Variants in STK33 observed in about 807,000 individuals in gnomAD.
The protein encoded by STK33 is serine/threonine-protein kinase 33.
STK33 carries 52 observed loss-of-function variants against 58.0 expected under a neutral mutation model. The ratio of observed to expected loss-of-function variants is 0.90; its 90% confidence interval spans 0.72 to 1.13. STK33 has a LOEUF of 1.13. Among genes scored for constraint, STK33 ranks in the 50% most tolerant of loss-of-function variants. STK33 has a pLI of 0.00. For synonymous variants in STK33, 215 were observed against 200.1 expected (o/e 1.07, Z -0.63); for missense variants, 630 against 604.2 (o/e 1.04, Z -0.45).
At chr11:8,581,298 T>C (rs999030408) in intron 1 of STK33, among the ~76,000 whole-genome samples, 4 of 152,118 alleles carry the variant, frequency 2.6e-5, no homozygotes, top group African/African-American at 9.7e-5. Flanking sequence ...AAATGTATAT[T>C]TCTGCATATG....
intron 4 of STK33, chr11:8,475,675 T>C (rs1400837093): frequency 1.3e-5 from 2 of 152,172 alleles, no homozygotes; most frequent in Non-Finnish European, 2.9e-5. Context: ...GAGTCTAAAA[T>C]AGGTATGGCA....
chr11:8,392,988 T>C (rs1281947065), intron 15 of STK33, among the ~76,000 whole-genome samples: 3 of 152,246 alleles, frequency 2.0e-5, no homozygotes, highest in Non-Finnish European at 4.4e-5. Context: ...CTGGTAACAT[T>C]TGTGCAGGGA....
intron 11 of STK33, among the ~76,000 whole-genome samples, chr11:8,448,011 C>T (rs1415714614): frequency 3.9e-5 from 6 of 152,058 alleles, no homozygotes; most frequent in African/African-American, 1.4e-4. Flanking sequence ...ACAGCCAAAT[C>T]GTTAGTGAAC....
chr11:8,466,772 T>C (rs1948235438), intron 6 of STK33: 1 of 152,196 alleles, frequency 6.6e-6, no homozygotes, highest in African/African-American at 2.4e-5. Flanking sequence ...CTAGAAGAGG[T>C]TCTCCCTGAA....
rs180705381 is a variant in STK33, at chr11:8,566,210, G to C, written c.-466+27873C>G. Among the ~76,000 whole-genome samples, 8 of 152,208 alleles carry C rather than the reference G, an allele frequency of 5.3e-5. No homozygotes were observed. In the East Asian group the frequency reaches 1.5e-3, roughly 29 times the overall value. On this transcript the variant is annotated intron_variant, in intron 1 of 15. Coordinates refer to ENST00000687296, the MANE Select transcript of STK33 (RefSeq NM_001352389.2). ...TATGACTGCATTTACAAGCAAAGAA[G>C]TTACCTCAAAATGCAGCTTCTAAAT...
At chr11:8,512,946 A>G (rs1565233912) in intron 1 of STK33, among the ~76,000 whole-genome samples, 1 of 152,208 alleles carries the variant, frequency 6.6e-6, no homozygotes, top group Admixed American at 6.5e-5. Context: ...TGCTTTTCAC[A>G]TTAGATTTCT....
intron 11 of STK33, among the ~76,000 whole-genome samples, chr11:8,449,964 A>G (rs539794079): frequency 6.6e-6 from 1 of 152,314 alleles, no homozygotes; most frequent in East Asian, 1.9e-4. Flanking sequence ...GGGAGTGCAA[A>G]TTAGTTCAAC....
intron 14 of STK33, among the ~76,000 whole-genome samples, chr11:8,415,067 A>G (rs1306487419): frequency 2.0e-5 from 3 of 151,968 alleles, no homozygotes; most frequent in Non-Finnish European, 4.4e-5. Flanking sequence ...CTTGGTCCCT[A>G]TGATCCATCT....
chr11:8,468,396 T>C (rs188430386), intron 6 of STK33, among the ~76,000 whole-genome samples: 1 of 152,158 alleles, frequency 6.6e-6, no homozygotes, highest in African/African-American at 2.4e-5. Context: ...ACAGGTAAAT[T>C]AGAGGCTTGT....
At chr11:8,544,967 T>C (rs1392836965) in intron 1 of STK33, among the ~76,000 whole-genome samples, 1 of 152,208 alleles carries the variant, frequency 6.6e-6, no homozygotes, top group Admixed American at 6.5e-5. Context: ...GCTAAAACCA[T>C]GACACGGTCC....
rs1956080059 is a variant in STK33 at position 8,548,272 on chromosome 11, T to C, written c.-466+45811A>G. On this transcript the variant is annotated intron_variant, in intron 1 of 15. Transcript: ENST00000687296. ...TACATTTAAATCTTTAATGCATTTA[T>C]TTTGTTTTTGTATATGGTGAGAGAT... Among the ~76,000 whole-genome samples, 3 of 152,134 alleles carry C rather than the reference T, an allele frequency of 2.0e-5. No homozygotes were observed. The South Asian group carries it at 6.2e-4, about 31-fold the overall frequency.
At chr11:8,513,768 G>C (rs1215666660) in intron 1 of STK33, among the ~76,000 whole-genome samples, 2 of 152,008 alleles carry the variant, frequency 1.3e-5, no homozygotes, top group Admixed American at 6.6e-5. Flanking sequence ...ACCACATCAG[G>C]ATAAATGGGG....
chr11:8,567,875 T>C (rs903796050), intron 1 of STK33, among the ~76,000 whole-genome samples: 4 of 152,344 alleles, frequency 2.6e-5, no homozygotes, highest in East Asian at 1.9e-4. Context: ...AATTAACTTA[T>C]TCTTTGGGCT....
At chr11:8,435,455 G>T in intron 14 of STK33, 39 bp downstream of exon 14, 1 of 1,092,514 alleles carries the variant, frequency 9.2e-7, no homozygotes, top group Non-Finnish European at 1.3e-6. Context: ...ATGAGCAATG[G>T]TAGCATGTCA....
At chr11:8,442,676 G>C (rs1270363905) in intron 11 of STK33, among the ~76,000 whole-genome samples, 1 of 152,128 alleles carries the variant, frequency 6.6e-6, no homozygotes, top group Non-Finnish European at 1.5e-5. Flanking sequence ...CCAACAGGGG[G>C]ATATGAACAG....
chr11:8,564,631 C>T lies in STK33; in HGVS notation c.-466+29452G>A, dbSNP rs571705284. Among the ~76,000 whole-genome samples, 159 of 152,246 alleles carry T rather than the reference C, an allele frequency of 1.0e-3. 6 individuals are homozygous for T. The South Asian group carries it at 0.031, about 30-fold the overall frequency. ...GAAGGAACTTGGGAAATACTTTTTGCAGTTAACCACAGATGGACCCTGGCT... is the reference window on the plus strand; with the variant it reads ...GAAGGAACTTGGGAAATACTTTTTGTAGTTAACCACAGATGGACCCTGGCT... On this transcript the variant is annotated intron_variant, in intron 1 of 15. Transcript: ENST00000687296.
chr11:8,497,075 CA>C (rs1951117314), intron 1 of STK33, among the ~76,000 whole-genome samples: 1 of 151,452 alleles, frequency 6.6e-6, no homozygotes. Context: ...ATATTACAAA[CA>C]AAAAATAAAA....
the STK33 span, among the ~76,000 whole-genome samples, chr11:8,358,965 C>T: frequency 5.3e-5 from 8 of 152,128 alleles, no homozygotes; most frequent in Non-Finnish European, 1.2e-4. Flanking sequence ...CTGTGCCTCC[C>T]GACAAGAAGC....
intron 1 of STK33, among the ~76,000 whole-genome samples, chr11:8,508,950 C>G (rs1289170563): frequency 6.6e-6 from 1 of 151,964 alleles, no homozygotes; most frequent in Admixed American, 6.6e-5. Flanking sequence ...AACCCCGTCT[C>G]TACTAGAAAT....
Sources: allele counts gnomAD v4.1 joint callset (sites outside exome capture counted in the v4.1 genomes callset), GRCh38; gene constraint gnomAD v4.1.1; transcripts MANE v1.5; gene names NCBI Gene and HGNC (gene_info 2026-07-23, HGNC 2026-07-21).